Variants in ENTPD3 observed in about 807,000 individuals in gnomAD.
ENTPD3 encodes CD39 antigen-like 3.
Under a neutral mutation model 51.2 loss-of-function variants are expected in ENTPD3, and 60 were observed. The ratio of observed to expected loss-of-function variants is 1.17; its 90% CI spans 0.95 to 1.45. The LOEUF (loss-of-function observed/expected upper bound fraction) is 1.45, where lower values mean the gene tolerates loss of function less well. Among genes scored for constraint, ENTPD3 ranks in the 40% most tolerant of loss-of-function variants. The pLI is 0.00. For missense variants in ENTPD3, 593 were observed against 641.1 expected (o/e 0.93, Z 0.81); for synonymous variants, 221 against 238.4 (o/e 0.93, Z 0.67).
Position 40,427,379 on chromosome 3 carries a change from T to A in ENTPD3, c.1461T>A (p.Phe487Leu). 1 of 1,614,090 alleles carries A rather than the reference T, an allele frequency of 6.2e-7. No homozygotes were observed. Among genetic ancestry groups the A allele is most frequent in the Non-Finnish European group, 8.5e-7 (1 of 1,180,034 alleles). The change falls in exon 11 of 11, where the codon TTT becomes TTA. Residue 487 changes from phenylalanine to leucine, a missense_variant. By Grantham distance (22) the Phe-to-Leu change is conservative. Transcript: ENST00000301825. ...GTCTGCCCATAGAACCACCTGTCTT[T>A]GTGGGCACCCTCGCTTTCTTCACAG... Reference protein sequence around the residue: ...LIRLPIEPPVFVGTLAFFTAA... With the variant: ...LIRLPIEPPVLVGTLAFFTAA...
chr3:40,389,026 G>A (rs572676044), intron 2 of ENTPD3, among the ~76,000 whole-genome samples: 2 of 152,264 alleles, frequency 1.3e-5, no homozygotes, highest in Non-Finnish European at 2.9e-5. Flanking sequence ...TATGATTTTA[G>A]GATAGTAAGG....
chr3:40,419,507 T>C (rs564732009), intron 7 of ENTPD3, among the ~76,000 whole-genome samples: 1 of 152,328 alleles, frequency 6.6e-6, no homozygotes, highest in African/African-American at 2.4e-5. Flanking sequence ...ATTTTGAACT[T>C]CAAAGTCATT....
Position 40,427,596 on chromosome 3 carries a change from G to C in ENTPD3, c.*88G>C. 1.1e-6 allele frequency: 1 copy of C among 951,022 alleles called. No individual in the cohort carries two copies. The highest frequency in any genetic ancestry group is 1.6e-5 in the African/African-American group (1 of 61,098). The allele number at this position is 951,022 out of a possible 1,614,324, so 58.9% of individuals were successfully genotyped here. On this transcript the variant is annotated 3_prime_UTR_variant, in exon 11 of 11. Transcript: ENST00000301825. Reference sequence around the variant, plus strand: ...ATGCAGGTGAAGTGGCTGCCTTCAGGAAATACAACTAACTAAAATCAAACA... The same window carrying C: ...ATGCAGGTGAAGTGGCTGCCTTCAGCAAATACAACTAACTAAAATCAAACA...
At position 40,414,816 on chromosome 3, in the gene ENTPD3, CTATT is replaced by C. The variant is rs751126145; in HGVS notation, c.576_579del (p.Tyr192Ter). On this transcript the variant is annotated frameshift_variant, in exon 6 of 11. Transcript: ENST00000301825. LOFTEE classifies it high-confidence loss of function. Reference sequence around the variant, plus strand: ...GGGTATATGGATGGATTACAGCCAACTATTTAATGGGAAATTTCCTGGAGGTGTG... The same window carrying C: ...GGGTATATGGATGGATTACAGCCAACTAATGGGAAATTTCCTGGAGGTGTG... 5 of 1,613,868 alleles carry C rather than the reference CTATT, an allele frequency of 3.1e-6. No homozygotes were observed. The highest frequency in any genetic ancestry group is 4.2e-6 in the Non-Finnish European group (5 of 1,179,950).
chr3:40,418,654 G>A (rs4973997), intron 7 of ENTPD3, among the ~76,000 whole-genome samples: 63,591 of 151,876 alleles, frequency 0.42, 14,509 homozygotes, highest in African/African-American at 0.6. Context: ...AAACATTTAG[G>A]AGATGCACAC....
chr3:40,422,091 ATG>A (rs767338220), intron 7 of ENTPD3, among the ~76,000 whole-genome samples: 178 of 151,992 alleles, frequency 1.2e-3, no homozygotes, highest in Admixed American at 2.2e-3. Flanking sequence ...GGATCAGATA[ATG>A]TGAGAGAGAG....
In ENTPD3 at chr3:40,392,098, G is replaced by A. The variant is rs1296839087; in HGVS notation, c.116G>A (p.Ser39Asn). The change falls in exon 3 of 11, where the codon AGT becomes AAT. Residue 39 changes from serine (S) to asparagine (N), a missense_variant. Ser to Asn is a conservative substitution (Grantham distance 46). Coordinates refer to ENST00000301825, the MANE Select transcript of ENTPD3 (RefSeq NM_001248.4). ...VLLVSIVVLV[S>N]ITVIQIHKQE... Reference sequence around the variant, plus strand: ...CTTGTGAGTATTGTGGTACTTGTGAGTATCACTGTCATCCAGATCCACAAG... The same window carrying A: ...CTTGTGAGTATTGTGGTACTTGTGAATATCACTGTCATCCAGATCCACAAG... 1 of 1,614,078 alleles carries A rather than the reference G, an allele frequency of 6.2e-7. No homozygotes were observed. Among genetic ancestry groups the A allele is most frequent in the Non-Finnish European group, 8.5e-7 (1 of 1,180,042 alleles).
rs576555089 is a variant in ENTPD3 at position 40,399,812 on chromosome 3, C to T, written c.169-1082C>T. 2.0e-5 allele frequency among the ~76,000 whole-genome samples: 3 copies of T among 152,204 alleles called. No individual in the cohort carries two copies. In the South Asian group the frequency reaches 6.2e-4, roughly 32 times the overall value. Reference sequence around the variant, plus strand: ...GGTCCAGGACTCTCAGCCTACTCTCCTGCACACAGCCAGCCCCAGCACTGC... The same window carrying T: ...GGTCCAGGACTCTCAGCCTACTCTCTTGCACACAGCCAGCCCCAGCACTGC... On this transcript the variant is annotated intron_variant, in intron 3 of 10. Coordinates refer to ENST00000301825, the MANE Select transcript of ENTPD3 (RefSeq NM_001248.4).
intron 7 of ENTPD3, among the ~76,000 whole-genome samples, chr3:40,421,394 A>G (rs771208567): frequency 6.6e-6 from 1 of 152,160 alleles, no homozygotes; most frequent in African/African-American, 2.4e-5. Context: ...TTCAAATCCA[A>G]TTCCTTAGAA....
chr3:40,398,440 G>A (rs1324575639), intron 3 of ENTPD3, among the ~76,000 whole-genome samples: 5 of 152,154 alleles, frequency 3.3e-5, no homozygotes, highest in African/African-American at 4.8e-5. Context: ...AAAGAAAGCA[G>A]ACCAAGAATA....
At chr3:40,417,891 C>G (rs952255789) in intron 7 of ENTPD3, among the ~76,000 whole-genome samples, 3 of 152,110 alleles carry the variant, frequency 2.0e-5, no homozygotes, top group Admixed American at 2.0e-4. Context: ...CTCCTTTTTC[C>G]AGGGTGAGTG....
At chr3:40,398,912 T>C (rs1449828421) in intron 3 of ENTPD3, among the ~76,000 whole-genome samples, 2 of 152,224 alleles carry the variant, frequency 1.3e-5, no homozygotes, top group South Asian at 2.1e-4. Flanking sequence ...GTTCATGATA[T>C]ACTTTTAAGA....
At chr3:40,399,790 C>T (rs1292158198) in intron 3 of ENTPD3, among the ~76,000 whole-genome samples, 1 of 152,176 alleles carries the variant, frequency 6.6e-6, no homozygotes, top group Non-Finnish European at 1.5e-5. Context: ...ACAAATTGGT[C>T]CAGGACTCTC....
chr3:40,410,567 T>C (rs1045735777), intron 4 of ENTPD3, among the ~76,000 whole-genome samples: 2 of 152,160 alleles, frequency 1.3e-5, no homozygotes, highest in African/African-American at 4.8e-5. Context: ...GTGCCTCCTA[T>C]TGTAAGTCCA....
In ENTPD3 at chr3:40,414,838, G is replaced by T. The variant is rs1955708139; in HGVS notation, c.595G>T (p.Glu199Ter). ...CAACTATTTAATGGGAAATTTCCTG[G>T]AGGTGTGTGCAAACAAATGCATGGT... ...TANYLMGNFLEKNLWHMWVHP... is the reference protein window; with the variant it reads ...TANYLMGNFL Residue 199 changes from glutamate (E) to a stop codon, truncating the protein, a stop_gained and splice_region_variant, in exon 6 of 11, where the codon GAG becomes TAG. Coordinates refer to ENST00000301825, the MANE Select transcript of ENTPD3 (RefSeq NM_001248.4). LOFTEE classifies it high-confidence loss of function. 1.2e-6 allele frequency: 2 copies of T among 1,613,854 alleles called. No individual in the cohort carries two copies. Among genetic ancestry groups the T allele is most frequent in the African/African-American group, 1.3e-5 (1 of 74,902 alleles).
In ENTPD3 at chr3:40,423,838, C is replaced by T; in HGVS notation, c.1228C>T (p.Leu410Phe). The change falls in exon 10 of 11, where the codon CTC becomes TTC. Residue 410 changes from leucine (L) to phenylalanine (F), a missense_variant. By Grantham distance (22) the Leu-to-Phe change is conservative. Transcript: ENST00000301825. ...TTAAACCTTTCAGCTCCCACTGCTG[C>T]TCCCCAAATTTGATGAGGTATATGC... ...SQNWSQLPLL[L>F]PKFDEVYARS... is the part of the protein sequence containing the mutation. 6.2e-7 allele frequency: 1 copy of T among 1,614,102 alleles called. No homozygotes were observed. Among genetic ancestry groups the T allele is most frequent in the Non-Finnish European group, 8.5e-7 (1 of 1,179,962 alleles).
chr3:40,399,262 C>T lies in ENTPD3; in HGVS notation c.169-1632C>T, dbSNP rs143332349. Among the ~76,000 whole-genome samples, 294 of 152,212 alleles carry T rather than the reference C, an allele frequency of 1.9e-3. 2 individuals carry two copies. The highest frequency in any genetic ancestry group is 6.9e-3 in the African/African-American group (285 of 41,518). The stretch of plus-strand genomic sequence containing the variant: ...TTAGAAAAGATACAACAAGGGCTAA[C>T]GCAATAGTTGGATTTGAGGGATGCT... On this transcript the variant is annotated intron_variant, in intron 3 of 10. Transcript: ENST00000301825.
chr3:40,417,244 T>C (rs886729499), intron 7 of ENTPD3, among the ~76,000 whole-genome samples: 5 of 152,204 alleles, frequency 3.3e-5, no homozygotes, highest in African/African-American at 1.2e-4. Flanking sequence ...ATGCTCACAC[T>C]ACTATAAAGA....
At chr3:40,401,093 A>C in intron 4 of ENTPD3, 82 bp downstream of exon 4, 1 of 977,096 alleles carries the variant, frequency 1.0e-6, no homozygotes, top group Non-Finnish European at 1.6e-6. Flanking sequence ...AGAGGTCCTG[A>C]GATGTTGCTT....
Sources: gnomAD v4.1 joint callset for allele counts (sites outside exome capture counted in the v4.1 genomes callset) on GRCh38, gnomAD v4.1.1 for gene constraint, MANE v1.5 for transcripts, NCBI Gene and HGNC (gene_info 2026-07-23, HGNC 2026-07-21) for gene names.